Variants in LAMA1 observed in about 807,000 individuals in gnomAD.
LAMA1 encodes laminin subunit alpha-1.
LAMA1 carries 219 observed loss-of-function variants against 348.7 expected under a neutral mutation model. That is an observed-to-expected ratio of 0.63 (90% CI 0.56 to 0.70). The LOEUF is 0.70. Ranked by LOEUF, LAMA1 falls within the 30% of genes least tolerant of loss-of-function variation. LAMA1 has a pLI of 0.00. For synonymous variants in LAMA1, 1,487 were observed against 1,491.0 expected, an observed-to-expected ratio of 1.00 and a Z score of 0.06; for missense variants, 3,744 against 3,888.0, an observed-to-expected ratio of 0.96 and a Z score of 0.99.
chr18:6,961,593 G>A lies in LAMA1; in HGVS notation c.7619C>T (p.Ala2540Val), dbSNP rs2057607668. The part of the protein sequence containing the change: ...DVEKRGDREE[A>V]HVPFFSVMLI... ...AGCACTGGCCCTACTCACCACGTGT[G>A]CTTCCTCACGATCACCCCGCTTCTC... Residue 2540 changes from alanine to valine, a missense_variant, in exon 53 of 63, where the codon GCA (alanine) becomes GTA (valine). By Grantham distance (64) the Ala-to-Val change is moderately conservative. Transcript: ENST00000389658. 1.9e-6 allele frequency: 3 copies of A among 1,613,384 alleles called. No homozygotes were observed. The East Asian group carries it at 6.7e-5, about 36-fold the overall frequency.
At chr18:6,942,733 A>C (rs967328713) in intron 62 of LAMA1, among the ~76,000 whole-genome samples, 2 of 152,190 alleles carry the variant, frequency 1.3e-5, no homozygotes, top group African/African-American at 4.8e-5. Context: ...TAATATATAA[A>C]ATTTTAAGGC....
At chr18:6,951,114 A>G in intron 57 of LAMA1, 143 bp from the exon 58 acceptor site, 1 of 756,126 alleles carries the variant, frequency 1.3e-6, no homozygotes, top group Non-Finnish European at 2.3e-6. Flanking sequence ...ATCCATTTAC[A>G]CATCCATTCA....
rs377292688 is a variant in LAMA1 at position 6,985,189 on chromosome 18, G to A, written c.5660+48C>T. On this transcript the variant is annotated intron_variant, in intron 39 of 62. Transcript: ENST00000389658. ...AATAGAAACATCCATCTATTTCTCCGATCAATAGACTGCAAGCTCTTGAGT... is the reference window on the plus strand; with the variant it reads ...AATAGAAACATCCATCTATTTCTCCAATCAATAGACTGCAAGCTCTTGAGT... 2.1e-5 allele frequency: 34 copies of A among 1,605,382 alleles called. 1 individual carries two copies. Among genetic ancestry groups the A allele is most frequent in the Admixed American group, 5.0e-5 (3 of 59,968 alleles).
At chr18:6,958,072 G>GT (rs2057588806) in intron 55 of LAMA1, among the ~76,000 whole-genome samples, 1 of 152,132 alleles carries the variant, frequency 6.6e-6, no homozygotes, top group Non-Finnish European at 1.5e-5. Flanking sequence ...TACAGTAATT[G>GT]TTTTTGGGGA....
In LAMA1 at chr18:6,964,782, G is replaced by T. The variant is rs773656174; in HGVS notation, c.7217C>A (p.Ala2406Asp). 2 of 1,614,058 alleles carry T rather than the reference G, an allele frequency of 1.2e-6. No individual in the cohort carries two copies. Among genetic ancestry groups the T allele is most frequent in the Admixed American group, 1.7e-5 (1 of 60,010 alleles). Residue 2406 changes from alanine to aspartate, a missense_variant, in exon 51 of 63, where the codon GCC (alanine) becomes GAC (aspartate). Around this residue, in one of 3 missense-constraint regions of LAMA1, gnomAD observed 1,983 missense variants for 1,934.3 expected, o/e 1.03. Transcript: ENST00000389658. ...RKQGVLAVID[A>D]YNTSNKETKQ... ...GGTTTCTTTATTACTGGTGTTATAG[G>T]CATCGATAACTGCTAGCACTCCTAA... is the stretch of plus-strand genomic sequence containing the variant.
intron 3 of LAMA1, among the ~76,000 whole-genome samples, chr18:7,071,340 G>GA (rs1206495157): frequency 2.6e-5 from 4 of 151,936 alleles, no homozygotes; most frequent in Admixed American, 6.6e-5. Context: ...CATGGACGAG[G>GA]AAAAAAATGC....
chr18:6,950,808 G>A lies in LAMA1; in HGVS notation c.8371C>T (p.Leu2791=), dbSNP rs757720527. ...GTGTGCCACTTGCCATCACTGAGCA[G>A]TGCAGGGTGAGAGACCTTTGTTCTG... ...KGRTKVSHPA[L]LSDGKWHTVK... Residue 2791 remains leucine (L), a synonymous_variant, in exon 58 of 63, where the codon CTG becomes TTG. Transcript: ENST00000389658. The A allele has an allele frequency of 6.2e-7, 1 of 1,614,122 alleles. No individual in the cohort carries two copies. The highest frequency in any genetic ancestry group is 8.5e-7 in the Non-Finnish European group (1 of 1,179,994).
At chr18:6,978,433 G>C in intron 42 of LAMA1, 55 bp from the exon 43 acceptor site, 3 of 1,439,518 alleles carry the variant, frequency 2.1e-6, no homozygotes. Context: ...ACAGAGAAAA[G>C]AATAAAACGA....
chr18:7,069,337 C>T (rs760782941), intron 3 of LAMA1, among the ~76,000 whole-genome samples: 2 of 152,220 alleles, frequency 1.3e-5, no homozygotes, highest in Non-Finnish European at 2.9e-5. Context: ...CCTATAAGCT[C>T]TTCACCTCAC....
Position 7,016,635 on chromosome 18 carries a change from G to A in LAMA1, c.2845C>T (p.Arg949Trp), listed in dbSNP as rs754414018. 1.1e-5 allele frequency: 18 copies of A among 1,613,880 alleles called. No homozygotes were observed. Among genetic ancestry groups the A allele is most frequent in the Non-Finnish European group, 1.4e-5 (16 of 1,179,958 alleles). Reference sequence around the variant, plus strand: ...CCTGCCACGCTGCAGTTGCAGGGCCGGCAGCCATGGCCTGAGTCCAGCCCA... The same window carrying A: ...CCTGCCACGCTGCAGTTGCAGGGCCAGCAGCCATGGCCTGAGTCCAGCCCA... The part of the protein sequence containing the change: ...YYGLDSGHGC[R>W]PCNCSVAGSV... Residue 949 changes from arginine (R) to tryptophan (W), a missense_variant, in exon 21 of 63, where the codon CGG becomes TGG. This residue lies in a region of LAMA1 where 1,529 missense variants were observed against 1,689.4 expected (regional missense o/e 0.91). Coordinates refer to ENST00000389658, the MANE Select transcript of LAMA1 (RefSeq NM_005559.4).
chr18:7,091,994 CAAAG>C (rs2058241435), intron 1 of LAMA1, among the ~76,000 whole-genome samples: 1 of 152,284 alleles, frequency 6.6e-6, no homozygotes, highest in East Asian at 1.9e-4. Flanking sequence ...ATCTTACAGA[CAAAG>C]AAATCATTTG....
intron 8 of LAMA1, 200 bp from the exon 9 acceptor site, chr18:7,042,450 G>A (rs892441756): frequency 5.4e-6 from 3 of 554,160 alleles, no homozygotes; most frequent in Non-Finnish European, 3.3e-6. Context: ...GGTGGCAGTA[G>A]TTAGTACCCT....
chr18:6,961,047 G>A (rs1472585624), intron 53 of LAMA1, among the ~76,000 whole-genome samples: 1 of 152,216 alleles, frequency 6.6e-6, no homozygotes, highest in Non-Finnish European at 1.5e-5. Flanking sequence ...ACAAATTTGA[G>A]CAGAGGATGG....
At chr18:7,024,102 C>T (rs1489947246) in intron 18 of LAMA1, among the ~76,000 whole-genome samples, 1 of 152,082 alleles carries the variant, frequency 6.6e-6, no homozygotes, top group Non-Finnish European at 1.5e-5. Flanking sequence ...CCTCAGCCTC[C>T]CAAAGTCCTG....
intron 3 of LAMA1, among the ~76,000 whole-genome samples, chr18:7,074,656 T>G (rs2058159605): frequency 6.6e-6 from 1 of 152,190 alleles, no homozygotes; most frequent in Admixed American, 6.5e-5. Context: ...AGTTGATGAT[T>G]ATTATGCTTT....
chr18:7,080,912 A>C (rs767716368), intron 1 of LAMA1, among the ~76,000 whole-genome samples: 5 of 152,226 alleles, frequency 3.3e-5, no homozygotes, highest in Non-Finnish European at 7.3e-5. Context: ...GTTTAGGAGT[A>C]AAGTCTACTT....
At chr18:6,952,160 G>A (rs1374560960) in intron 57 of LAMA1, among the ~76,000 whole-genome samples, 1 of 152,146 alleles carries the variant, frequency 6.6e-6, no homozygotes, top group Non-Finnish European at 1.5e-5. Context: ...GAGAGCGTGT[G>A]GAAGGGCCCA....
At position 6,958,658 on chromosome 18, in the gene LAMA1, T is replaced by C. The variant is rs772280540; in HGVS notation, c.7783A>G (p.Ile2595Val). 9 of 1,612,978 alleles carry C rather than the reference T, an allele frequency of 5.6e-6. No individual in the cohort carries two copies. The Admixed American group carries it at 1.2e-4, about 21-fold the overall frequency. The change falls in exon 55 of 63, where the codon ATC (isoleucine) becomes GTC (valine). Residue 2595 changes from isoleucine (I) to valine (V), a missense_variant. Transcript: ENST00000389658. ...SISLVRNRRIITVQLDENNPV... is the reference protein window; with the variant it reads ...SISLVRNRRIVTVQLDENNPV... Reference sequence around the variant, plus strand: ...TTGTTCTCATCCAATTGGACAGTGATAATTCTAAAAGACCAATGGAGAAAA... The same window carrying C: ...TTGTTCTCATCCAATTGGACAGTGACAATTCTAAAAGACCAATGGAGAAAA...
chr18:7,001,569 A>C (rs965430205), intron 30 of LAMA1, among the ~76,000 whole-genome samples: 6 of 152,184 alleles, frequency 3.9e-5, no homozygotes, highest in Non-Finnish European at 4.4e-5. Context: ...GCAATAAAAA[A>C]CAGAAGATTC....
Sources: gnomAD v4.1 joint callset for allele counts (sites outside exome capture counted in the v4.1 genomes callset) on GRCh38, gnomAD v4.1.1 for gene constraint, gnomAD v4.1.1 regional missense constraint, MANE v1.5 for transcripts, NCBI Gene and HGNC (gene_info 2026-07-23, HGNC 2026-07-21) for gene names.